FBXL13: variants seen among roughly 807,000 people sequenced by gnomAD.
The protein encoded by FBXL13 is F-box and leucine-rich repeat protein 13.
FBXL13 carries 67 observed loss-of-function variants against 83.6 expected under a neutral mutation model. The observed-to-expected ratio is 0.80, with a 90% CI of 0.66 to 0.98. The LOEUF (loss-of-function observed/expected upper bound fraction) is 0.98. FBXL13 is among the 50% of genes least tolerant of loss of function. The pLI is 0.00. For missense variants in FBXL13, 822 were observed against 866.5 expected, an observed-to-expected ratio of 0.95 and a Z score of 0.64; for synonymous variants, 272 against 299.5, an observed-to-expected ratio of 0.91 and a Z score of 0.95.
chr7:103,016,315 T>A (rs1166543917), intron 6 of FBXL13, among the ~76,000 whole-genome samples: 2 of 75,880 alleles, frequency 2.6e-5, no homozygotes, highest in African/African-American at 5.3e-5. Flanking sequence ...AAAACAGAAA[T>A]GTGGGGGGGG....
chr7:102,831,378 C>G (rs1800635258), intron 18 of FBXL13, among the ~76,000 whole-genome samples: 1 of 149,014 alleles, frequency 6.7e-6, no homozygotes, highest in Non-Finnish European at 1.5e-5. Flanking sequence ...TGCTGTTAAA[C>G]ATCTACAGTG....
intron 12 of FBXL13, 65 bp downstream of exon 13, chr7:102,884,149 C>T (rs1339831965): frequency 8.9e-7 from 1 of 1,120,078 alleles, no homozygotes; most frequent in Non-Finnish European, 1.3e-6. Context: ...TTCAGTAATT[C>T]AAGCCATTAG....
chr7:102,955,540 C>A (rs1369011172), intron 8 of FBXL13, among the ~76,000 whole-genome samples: 2 of 148,294 alleles, frequency 1.3e-5, no homozygotes, highest in African/African-American at 4.9e-5. Flanking sequence ...AAGATCAGAG[C>A]AGAACTGAAA....
intron 11 of FBXL13, among the ~76,000 whole-genome samples, chr7:102,890,051 A>G (rs17135896): frequency 0.029 from 4,471 of 152,226 alleles, 201 homozygotes; most frequent in East Asian, 0.16. Flanking sequence ...TTGTCCTGGC[A>G]TGAAGTACTT....
exon 17 of FBXL13, chr7:102,854,849 C>A: frequency 6.4e-7 from 1 of 1,563,416 alleles, no homozygotes; most frequent in Non-Finnish European, 8.7e-7. Context: ...GTCTGGAAAG[C>A]ACATTCAAAC....
chr7:103,072,074 T>C (rs1006798256), intron 1 of FBXL13, among the ~76,000 whole-genome samples: 1 of 151,984 alleles, frequency 6.6e-6, no homozygotes, highest in African/African-American at 2.4e-5. Context: ...TCCCAGCTAT[T>C]TGGGAGGCTG....
intron 11 of FBXL13, among the ~76,000 whole-genome samples, chr7:102,905,544 A>T (rs533019964): frequency 6.6e-6 from 1 of 152,030 alleles, no homozygotes; most frequent in African/African-American, 2.4e-5. Context: ...AGATCAATGT[A>T]TCTTGTTTTT....
In FBXL13 at chr7:103,053,486, G is replaced by A. The variant is rs928891164; in HGVS notation, c.-1+2158C>T. 1.2e-4 allele frequency among the ~76,000 whole-genome samples: 18 copies of A among 152,268 alleles called. 1 individual carries two copies. Among genetic ancestry groups the A allele is most frequent in the African/African-American group, 4.1e-4 (17 of 41,558 alleles). ...CTGCAGTTTTTAAGTGATTCCCTAC[G>A]GGCTTCTAGCTGGACACTGGACACA... is the stretch of plus-strand genomic sequence containing the variant. On this transcript the variant is annotated intron_variant, in intron 2 of 19. Transcript: ENST00000313221.
intron 6 of FBXL13, among the ~76,000 whole-genome samples, chr7:103,001,145 G>A (rs553343569): frequency 6.6e-6 from 1 of 150,654 alleles, no homozygotes; most frequent in Admixed American, 6.6e-5. Context: ...TTTTTTTGTA[G>A]AGACAGGGTT....
At position 102,883,289 on chromosome 7, in the gene FBXL13, C is replaced by A. The variant is rs774345229; in HGVS notation, c.1388+16G>T. Reference sequence around the variant, plus strand: ...TAATCAACGTTTCTTGAATATATTACTGAATGACTCATTACCTTACACAAT... The same window carrying A: ...TAATCAACGTTTCTTGAATATATTAATGAATGACTCATTACCTTACACAAT... On this transcript the variant is annotated intron_variant, in intron 14 of 19. Coordinates refer to ENST00000313221, the Ensembl canonical transcript of FBXL13. 6.2e-7 allele frequency: 1 copy of A among 1,602,240 alleles called. No homozygotes were observed. The highest frequency in any genetic ancestry group is 1.4e-5 in the African/African-American group (1 of 73,786).
rs1174799290 is a variant in FBXL13 at position 102,884,324 on chromosome 7, A to G, written c.1009-12T>C. ...CCTTGGACTGAAATCTGAATTGTAC[A>G]GAGTAGAAAATAATGGGAGAATGCA... On this transcript the variant is annotated splice_polypyrimidine_tract_variant and intron_variant, in intron 11 of 19. Transcript: ENST00000313221. 6.2e-7 allele frequency: 1 copy of G among 1,600,450 alleles called. No individual in the cohort carries two copies. The highest frequency in any genetic ancestry group is 8.6e-7 in the Non-Finnish European group (1 of 1,168,188).
chr7:102,940,054 C>G (rs1400982099), intron 8 of FBXL13, among the ~76,000 whole-genome samples: 3 of 151,742 alleles, frequency 2.0e-5, no homozygotes, highest in African/African-American at 7.3e-5. Flanking sequence ...GCCACCAGGC[C>G]TGGCTAATTT....
intron 16 of FBXL13, among the ~76,000 whole-genome samples, chr7:102,876,208 C>A (rs1163261258): frequency 6.6e-6 from 1 of 152,152 alleles, no homozygotes; most frequent in African/African-American, 2.4e-5. Context: ...GACAGGGAAA[C>A]CTGAAGACTT....
chr7:102,933,306 C>T (rs1819589034), intron 8 of FBXL13: 1 of 151,940 alleles, frequency 6.6e-6, no homozygotes, highest in Admixed American at 6.6e-5. Flanking sequence ...AGGAAGACAA[C>T]AATTCAAGTC....
chr7:102,826,820 AT>A (rs1799816781), intron 18 of FBXL13, among the ~76,000 whole-genome samples: 1 of 140,736 alleles, frequency 7.1e-6, no homozygotes, highest in Admixed American at 7.5e-5. Flanking sequence ...AATGTATCTT[AT>A]ATATAATAAA....
chr7:103,009,517 C>T (rs1426359291), intron 6 of FBXL13, among the ~76,000 whole-genome samples: 1 of 152,202 alleles, frequency 6.6e-6, no homozygotes, highest in Non-Finnish European at 1.5e-5. Flanking sequence ...CCCCTGGTTT[C>T]CCCCAACACC....
chr7:103,003,521 G>A (rs951962289), intron 6 of FBXL13, among the ~76,000 whole-genome samples: 8 of 151,720 alleles, frequency 5.3e-5, no homozygotes, highest in East Asian at 1.9e-4. Context: ...TGCTGACCTC[G>A]TGATCCACCT....
intron 8 of FBXL13, chr7:102,939,584 TG>T (rs749488422): frequency 6.2e-7 from 1 of 1,612,524 alleles, no homozygotes; most frequent in Non-Finnish European, 8.5e-7. Context: ...TCATCGATCC[TG>T]GTAAGTTCCC....
At chr7:103,059,719 G>A (rs1402434291) in intron 1 of FBXL13, among the ~76,000 whole-genome samples, 2 of 151,948 alleles carry the variant, frequency 1.3e-5, no homozygotes, top group Non-Finnish European at 2.9e-5. Flanking sequence ...CTATTCTGAA[G>A]GATGTTCTGG....
Sources: gnomAD v4.1 joint callset for allele counts (sites outside exome capture counted in the v4.1 genomes callset) on GRCh38, gnomAD v4.1.1 for gene constraint, MANE v1.5 for transcripts, NCBI Gene and HGNC (gene_info 2026-07-23, HGNC 2026-07-21) for gene names.